Variants in ARAP2 observed in about 807,000 individuals in gnomAD.
ARAP2 encodes the protein ArfGAP with RhoGAP domain, ankyrin repeat and PH domain 2.
ARAP2 carries 148 observed loss-of-function variants against 194.5 expected under a neutral mutation model. That is an observed-to-expected ratio of 0.76 (90% CI 0.67 to 0.87). ARAP2 has a LOEUF of 0.87. Ranked by LOEUF, ARAP2 falls within the 40% of genes least tolerant of loss-of-function variation. The pLI is 0.00. For missense variants in ARAP2, 2,128 were observed against 1,989.7 expected (o/e 1.07, Z -1.32); for synonymous variants, 695 against 683.5 (o/e 1.02, Z -0.26).
intron 26 of ARAP2, among the ~76,000 whole-genome samples, chr4:36,110,914 C>A (rs1483220920): frequency 1.3e-5 from 2 of 151,898 alleles, no homozygotes; most frequent in African/African-American, 4.8e-5. Flanking sequence ...CATCTTCAGG[C>A]ATATAGGAGT....
intron 27 of ARAP2, among the ~76,000 whole-genome samples, chr4:36,100,546 G>C (rs1716579262): frequency 1.3e-5 from 2 of 151,896 alleles, no homozygotes; most frequent in Non-Finnish European, 2.9e-5. Flanking sequence ...CATCTAAAAA[G>C]TCCTTCCAAA....
Position 36,005,728 on chromosome 4 carries a change from G to A in ARAP2, n.1469+1175C>T, listed in dbSNP as rs1319759804. On this transcript the variant is annotated intron_variant and non_coding_transcript_variant, in intron 10 of 12. Coordinates refer to the ARAP2 transcript ENST00000503225. Reference sequence around the variant, plus strand: ...TCTAGTAAATCATGTCTTTCACATAGCCCTTAAGACAAACACCAAATACAG... The same window carrying A: ...TCTAGTAAATCATGTCTTTCACATAACCCTTAAGACAAACACCAAATACAG... The A allele has an allele frequency of 3.3e-5, 5 of 152,068 alleles. No individual in the cohort carries two copies. In the East Asian group the frequency reaches 7.7e-4, roughly 23 times the overall value. 9.4% of individuals were successfully genotyped at this position (152,068 alleles called of 1,614,324 possible).
At chr4:36,047,090 A>G (rs974196543) in intron 3 of ARAP2, 1 of 152,184 alleles carries the variant, frequency 6.6e-6, no homozygotes, top group African/African-American at 2.4e-5. Flanking sequence ...ATATAGATCT[A>G]TAGGACATGA....
At chr4:36,084,963 A>T in intron 28 of ARAP2, among the ~76,000 whole-genome samples, 1 of 152,106 alleles carries the variant, frequency 6.6e-6, no homozygotes, top group Admixed American at 6.6e-5. Flanking sequence ...AAAAAATCTT[A>T]TCTACACGGA....
chr4:36,207,861 T>C lies in ARAP2; in HGVS notation c.1487+2529A>G, dbSNP rs574970923. Reference sequence around the variant, plus strand: ...GTTCCTGGAAATTTTCACCCACAAATATGTTGTTGAGTTCAGCAGCTTGTA... The same window carrying C: ...GTTCCTGGAAATTTTCACCCACAAACATGTTGTTGAGTTCAGCAGCTTGTA... On this transcript the variant is annotated intron_variant, in intron 6 of 32. Coordinates refer to ENST00000303965, the MANE Select transcript of ARAP2 (RefSeq NM_015230.4). Among the ~76,000 whole-genome samples, 25 of 152,270 alleles carry C rather than the reference T, an allele frequency of 1.6e-4. 1 individual carries two copies. The South Asian group carries it at 4.3e-3, about 26-fold the overall frequency.
chr4:36,214,325 A>G (rs1747429584), intron 3 of ARAP2, 97 bp downstream of exon 3: 1 of 908,144 alleles, frequency 1.1e-6, no homozygotes, highest in Non-Finnish European at 1.7e-6. Context: ...ATTGTTCCCT[A>G]TACCACAGGT....
intron 32 of ARAP2, among the ~76,000 whole-genome samples, chr4:36,070,573 G>A (rs1467629071): frequency 6.6e-6 from 1 of 152,158 alleles, no homozygotes; most frequent in Non-Finnish European, 1.5e-5. Flanking sequence ...ATGGTATAAT[G>A]GATGGGTTCT....
chr4:36,161,742 G>A (rs1025209297), intron 11 of ARAP2, among the ~76,000 whole-genome samples, 192 bp from the exon 12 acceptor site: 8 of 137,268 alleles, frequency 5.8e-5, no homozygotes, highest in Admixed American at 4.7e-4. Flanking sequence ...TAGACAAATC[G>A]CAGCTGGCTA....
intron 9 of ARAP2, among the ~76,000 whole-genome samples, chr4:36,174,173 C>T (rs150735701): frequency 9.7e-4 from 147 of 152,286 alleles, no homozygotes; most frequent in African/African-American, 3.3e-3. Context: ...AATCCAGAAA[C>T]ATGGTCACTA....
chr4:36,172,806 T>C (rs992007203), intron 9 of ARAP2, among the ~76,000 whole-genome samples: 1 of 152,214 alleles, frequency 6.6e-6, no homozygotes, highest in African/African-American at 2.4e-5. Flanking sequence ...TGTGGCATTG[T>C]ATGACATTGG....
chr4:36,183,177 A>G lies in ARAP2; in HGVS notation c.1678+4274T>C, dbSNP rs1268735915. ...TAAGGAGGGTGAGTTAAGTAAAGGG[A>G]TAGTAAATGTTTCATGCCTTGCTTT... On this transcript the variant is annotated intron_variant, in intron 8 of 32. Coordinates refer to ENST00000303965, the MANE Select transcript of ARAP2 (RefSeq NM_015230.4). Among the ~76,000 whole-genome samples, 8 of 152,136 alleles carry G rather than the reference A, an allele frequency of 5.3e-5. 1 individual carries two copies. The highest frequency in any genetic ancestry group is 5.2e-4 in the Admixed American group (8 of 15,262).
intron 7 of ARAP2, among the ~76,000 whole-genome samples, chr4:36,192,308 A>G (rs1742113085): frequency 6.6e-6 from 1 of 151,890 alleles, no homozygotes; most frequent in Non-Finnish European, 1.5e-5. Context: ...TTTTATATGA[A>G]CTTTTTAATT....
intron 19 of ARAP2, among the ~76,000 whole-genome samples, chr4:36,140,120 AAAAAC>A (rs905120820): frequency 5.6e-5 from 8 of 143,780 alleles, no homozygotes; most frequent in South Asian, 2.2e-4. Context: ...CTTTTCTTTA[AAAAAC>A]AAAACAAAAA....
intron 3 of ARAP2, 46 bp downstream of exon 3, chr4:36,214,376 A>G (rs1289875533): frequency 2.0e-6 from 3 of 1,510,612 alleles, no homozygotes; most frequent in Admixed American, 3.6e-5. Context: ...AGTTAAGACT[A>G]TCAAATGAGC....
intron 27 of ARAP2, among the ~76,000 whole-genome samples, chr4:36,097,860 A>G (rs561352667): frequency 1.6e-4 from 24 of 152,182 alleles, no homozygotes; most frequent in Non-Finnish European, 2.6e-4. Context: ...GAGTTTATTG[A>G]AAGGTCTTTA....
In ARAP2 at chr4:36,166,948, G is replaced by A. The variant is rs1268831523; in HGVS notation, c.1957C>T (p.Pro653Ser). The change falls in exon 10 of 33, where the codon CCC (proline) becomes TCC (serine). Residue 653 changes from proline to serine, a missense_variant. Pro to Ser is a moderately conservative substitution (Grantham distance 74). Transcript: ENST00000303965. ...ATAGCTTACCTGAAACTCCTGTAGG[G>A]AGTGATTATTTCAAAAGATTGTTTC... The part of the protein sequence containing the change: ...TVKQSFEIIT[P>S]YRSFSFTAET... 6.2e-7 allele frequency: 1 copy of A among 1,600,860 alleles called. No homozygotes were observed. Among genetic ancestry groups the A allele is most frequent in the Non-Finnish European group, 8.5e-7 (1 of 1,174,262 alleles).
chr4:36,148,628 TCC>T (rs1730217823), intron 16 of ARAP2, 121 bp from the exon 17 acceptor site: 1 of 712,648 alleles, frequency 1.4e-6, no homozygotes, highest in Non-Finnish European at 2.3e-6. Context: ...TATGAAATCA[TCC>T]TATTAGATTC....
chr4:36,046,323 C>T (rs1721826318), intron 4 of ARAP2, among the ~76,000 whole-genome samples: 1 of 152,070 alleles, frequency 6.6e-6, no homozygotes, highest in African/African-American at 2.4e-5. Flanking sequence ...GGACTACAGG[C>T]TCATGCCACA....
chr4:36,063,605 C>G (rs1169530123), downstream of ARAP2, among the ~76,000 whole-genome samples: 1 of 152,182 alleles, frequency 6.6e-6, no homozygotes, highest in Admixed American at 6.5e-5. Context: ...CTTCCTGCTA[C>G]CCTAAACATA....
Sources: allele counts gnomAD v4.1 joint callset (sites outside exome capture counted in the v4.1 genomes callset), GRCh38; gene constraint gnomAD v4.1.1; transcripts MANE v1.5; gene names NCBI Gene and HGNC (gene_info 2026-07-23, HGNC 2026-07-21).